Variants in SLIT2 observed in about 807,000 individuals in gnomAD.
The protein encoded by SLIT2 is slit homolog 2 protein.
A neutral mutation model predicts 185.7 loss-of-function variants in SLIT2; 41 were observed. The ratio of observed to expected loss-of-function variants is 0.22; its 90% confidence interval spans 0.17 to 0.29. The LOEUF (loss-of-function observed/expected upper bound fraction) is 0.29. SLIT2 is among the 10% of genes least tolerant of loss of function. The pLI is 1.00. For missense variants in SLIT2, 1,571 were observed against 1,909.0 expected (o/e 0.82, Z 3.30); for synonymous variants, 693 against 680.2 (o/e 1.02, Z -0.29).
chr4:20,616,962 C>G lies in SLIT2; in HGVS notation c.3900C>G (p.Asn1300Lys). The change falls in exon 35 of 37, where the codon AAC becomes AAG. Residue 1300 changes from asparagine (N) to lysine (K), a missense_variant. This residue lies in a region of SLIT2 where 146 missense variants were observed against 247.4 expected (regional missense o/e 0.59). Transcript: ENST00000504154. ...VASLRQAPGQ[N>K]GTSFHGCIRN... ...CTCTGCGCCAGGCCCCTGGGCAGAACGGAACCAGCTTCCACGGCTGCATCC... is the reference window on the plus strand; with the variant it reads ...CTCTGCGCCAGGCCCCTGGGCAGAAGGGAACCAGCTTCCACGGCTGCATCC... The G allele has an allele frequency of 1.2e-6, 2 of 1,613,770 alleles. No individual in the cohort carries two copies. Among genetic ancestry groups the G allele is most frequent in the South Asian group, 1.1e-5 (1 of 91,070 alleles).
chr4:20,518,311 G>A (rs1720447591), intron 11 of SLIT2, among the ~76,000 whole-genome samples: 1 of 137,332 alleles, frequency 7.3e-6, no homozygotes, highest in African/African-American at 2.7e-5. Context: ...GGAGTGCAGT[G>A]GCGCGATCTC....
chr4:20,521,615 G>A (rs1194472585), intron 12 of SLIT2, among the ~76,000 whole-genome samples: 1 of 152,100 alleles, frequency 6.6e-6, no homozygotes, highest in African/African-American at 2.4e-5. Flanking sequence ...CTTGAGTTGT[G>A]GCCCAGGGAG....
chr4:20,260,919 TTCCTTACCTCTCTAACTAGC>T (rs35730731), intron 3 of SLIT2, among the ~76,000 whole-genome samples: 11,699 of 151,824 alleles, frequency 0.077, 939 homozygotes, highest in African/African-American at 0.21. Context: ...CTTTTCTTTC[TTCCTTACCTCTCTAACTAGC>T]TCCTTCCCTC....
At position 20,254,855 on chromosome 4, in the gene SLIT2, G is replaced by T; in HGVS notation, c.179+861G>T. 2.2e-6 allele frequency: 1 copy of T among 449,060 alleles called. No homozygotes were observed. Among genetic ancestry groups the T allele is most frequent in the East Asian group, 7.0e-5 (1 of 14,308 alleles). The allele number at this position is 449,060 out of a possible 1,614,324, so 27.8% of individuals were successfully genotyped here. ...GGCAGTTTCTGCGCCCCTTCACGTG[G>T]CAGCAGTTCCCCTGCCTTCCCCTCT... On this transcript the variant is annotated intron_variant, in intron 1 of 36. Coordinates refer to ENST00000504154, the MANE Select transcript of SLIT2 (RefSeq NM_004787.4). This position sits in a 1 kb window ranked among gnomAD's most constrained non-coding sequence, Gnocchi z 5.1.
chr4:20,609,502 G>C (rs1729045290), intron 33 of SLIT2, among the ~76,000 whole-genome samples: 1 of 152,162 alleles, frequency 6.6e-6, no homozygotes, highest in Non-Finnish European at 1.5e-5. Flanking sequence ...ATCCCACCAA[G>C]TTGTTTCTCC....
At chr4:20,269,028 T>G (rs1427483704) in intron 4 of SLIT2, 147 bp downstream of exon 4, 3 of 602,282 alleles carry the variant, frequency 5.0e-6, no homozygotes, top group Non-Finnish European at 6.0e-6. Context: ...TTTAGGAAAT[T>G]TATGATTTGT....
In SLIT2 at chr4:20,467,830, A is replaced by T; in HGVS notation, c.467+7A>T. The T allele has an allele frequency of 6.8e-7, 1 of 1,472,138 alleles. No homozygotes were observed. The highest frequency in any genetic ancestry group is 9.4e-7 in the Non-Finnish European group (1 of 1,066,074). 91.2% of individuals were successfully genotyped at this position (1,472,138 alleles called of 1,614,324 possible). On this transcript the variant is annotated splice_region_variant and intron_variant, in intron 5 of 36. Transcript: ENST00000504154. ...CAGTTGACATAAAAAATTTGTAAGT[A>T]TCTATTTTTAAATTTATAGTGTTTT...
chr4:20,287,076 C>A (rs923530111), intron 4 of SLIT2, among the ~76,000 whole-genome samples: 5 of 152,132 alleles, frequency 3.3e-5, no homozygotes, highest in Non-Finnish European at 5.9e-5. Flanking sequence ...CCTACACTGG[C>A]CTTCAAGTTG....
chr4:20,505,546 C>A (rs1719127257), intron 9 of SLIT2, among the ~76,000 whole-genome samples: 1 of 151,980 alleles, frequency 6.6e-6, no homozygotes, highest in Non-Finnish European at 1.5e-5. Context: ...TGTTTAATAT[C>A]TTGTAAATGT....
At chr4:20,310,379 TGCC>T (rs1333303865) in intron 4 of SLIT2, among the ~76,000 whole-genome samples, 1 of 152,200 alleles carries the variant, frequency 6.6e-6, no homozygotes, top group Non-Finnish European at 1.5e-5. Flanking sequence ...TCTTTCATCC[TGCC>T]AAGACTTCGT....
At chr4:20,547,589 C>G (rs1723359885) in intron 22 of SLIT2, among the ~76,000 whole-genome samples, 1 of 151,566 alleles carries the variant, frequency 6.6e-6, no homozygotes, top group African/African-American at 2.4e-5. Context: ...ATAGATTATC[C>G]TCGGTTTTTC....
chr4:20,370,102 C>A (rs1177872039), intron 4 of SLIT2, among the ~76,000 whole-genome samples: 1 of 152,056 alleles, frequency 6.6e-6, no homozygotes, highest in African/African-American at 2.4e-5. Flanking sequence ...TGCATTTTAG[C>A]AAGCTCTTCA....
intron 4 of SLIT2, among the ~76,000 whole-genome samples, chr4:20,377,760 T>C (rs1044552614): frequency 6.6e-6 from 1 of 152,134 alleles, no homozygotes; most frequent in Non-Finnish European, 1.5e-5. Context: ...TTTATTTCAT[T>C]TGAAGGAGGT....
intron 4 of SLIT2, among the ~76,000 whole-genome samples, chr4:20,444,094 G>C (rs1729972454): frequency 6.6e-6 from 1 of 152,150 alleles, no homozygotes; most frequent in African/African-American, 2.4e-5. Flanking sequence ...GGATATTATA[G>C]ATACTAATAC....
chr4:20,416,244 G>C (rs1324476240), intron 4 of SLIT2, among the ~76,000 whole-genome samples: 2 of 152,166 alleles, frequency 1.3e-5, no homozygotes, highest in Admixed American at 1.3e-4. Context: ...GGAAATCCAA[G>C]TTCAAGGCAC....
At chr4:20,483,708 C>G (rs1716931247) in intron 6 of SLIT2, among the ~76,000 whole-genome samples, 1 of 151,816 alleles carries the variant, frequency 6.6e-6, no homozygotes, top group Non-Finnish European at 1.5e-5. Flanking sequence ...ATTATACAGG[C>G]TAATATTTAT....
At position 20,488,921 on chromosome 4, in the gene SLIT2, C is replaced by A; in HGVS notation, c.714C>A (p.Gly238=). 1 of 1,611,674 alleles carries A rather than the reference C, an allele frequency of 6.2e-7. No individual in the cohort carries two copies. The highest frequency in any genetic ancestry group is 1.1e-5 in the South Asian group (1 of 90,802). ...TTGGTCTGTACACTCAGTGTATGGGCCCCTCCCACCTGAGAGGCCATAATG... is the reference window on the plus strand; with the variant it reads ...TTGGTCTGTACACTCAGTGTATGGGACCCTCCCACCTGAGAGGCCATAATG... The part of the protein sequence containing the change: ...PRVGLYTQCM[G]PSHLRGHNVA... The change falls in exon 8 of 37, where the codon GGC becomes GGA. Residue 238 remains glycine, a synonymous_variant. Transcript: ENST00000504154.
chr4:20,606,276 C>T (rs1728791541), intron 33 of SLIT2, among the ~76,000 whole-genome samples: 1 of 152,070 alleles, frequency 6.6e-6, no homozygotes, highest in Middle Eastern at 3.2e-3. Context: ...AGGAAGATCA[C>T]TTGAGACCAG....
chr4:20,503,131 A>G (rs1308079932), intron 9 of SLIT2, among the ~76,000 whole-genome samples: 1 of 152,230 alleles, frequency 6.6e-6, no homozygotes, highest in Non-Finnish European at 1.5e-5. Flanking sequence ...TTTGCATTTT[A>G]GCAATTATGT....
Sources: allele counts gnomAD v4.1 joint callset (sites outside exome capture counted in the v4.1 genomes callset), GRCh38; gene constraint gnomAD v4.1.1; regional missense constraint gnomAD v4.1.1; non-coding constraint Gnocchi (gnomAD v3.1); transcripts MANE v1.5; gene names NCBI Gene and HGNC (gene_info 2026-07-23, HGNC 2026-07-21).